Variants in VAT1 observed in about 807,000 individuals in gnomAD.
VAT1 encodes the protein NADPH-dependent quinone oxidoreductase VAT1.
A neutral mutation model predicts 33.3 loss-of-function variants in VAT1; 24 were observed. The ratio of observed to expected loss-of-function variants is 0.72; its 90% CI spans 0.52 to 1.01. The LOEUF (loss-of-function observed/expected upper bound fraction) is 1.01, where lower values mean the gene tolerates loss of function less well. VAT1 is among the 50% of genes least tolerant of loss of function. The pLI is 0.00. For missense variants in VAT1, 436 were observed against 533.7 expected, an observed-to-expected ratio of 0.82 and a Z score of 1.80; for synonymous variants, 212 against 225.0, an observed-to-expected ratio of 0.94 and a Z score of 0.52.
rs1175395354 is a variant in VAT1, at chr17:43,017,947, G to A, written c.767-17C>T. The A allele has an allele frequency of 6.2e-7, 1 of 1,613,898 alleles. No homozygotes were observed. Among genetic ancestry groups the A allele is most frequent in the Non-Finnish European group, 8.5e-7 (1 of 1,179,904 alleles). ...TGTCCACTCCTGTCATAGAGTAGGG[G>A]AACCCAAGAACAACATTAGGATCCA... On this transcript the variant is annotated splice_polypyrimidine_tract_variant and intron_variant, in intron 3 of 5. Coordinates refer to ENST00000355653, the MANE Select transcript of VAT1 (RefSeq NM_006373.4).
rs746896189 is a variant in VAT1, at chr17:43,022,080, C to T, written c.243G>A (p.Leu81=). The T allele has an allele frequency of 6.3e-7, 1 of 1,596,084 alleles. No individual in the cohort carries two copies. The highest frequency in any genetic ancestry group is 2.3e-5 in the East Asian group (1 of 43,854). ...AGTTGAGCCCGCAGGCCCGCAGACGCAGCGTCAGCTGGCCGGGCCCAGGGG... is the reference window on the plus strand; with the variant it reads ...AGTTGAGCCCGCAGGCCCGCAGACGTAGCGTCAGCTGGCCGGGCCCAGGGG... ...PPAPGPGQLT[L]RLRACGLNFA... is the part of the protein sequence containing the mutation. Residue 81 remains leucine (L), a synonymous_variant, in exon 1 of 6, where the codon CTG becomes CTA. Transcript: ENST00000355653.
At position 43,022,196 on chromosome 17, in the gene VAT1, C is replaced by G. The variant is rs779562103; in HGVS notation, c.127G>C (p.Ala43Pro). Residue 43 changes from alanine (A) to proline (P), a missense_variant, in exon 1 of 6, where the codon GCC becomes CCC. Coordinates refer to ENST00000355653, the MANE Select transcript of VAT1 (RefSeq NM_006373.4). ...AGGCAGCGCAGCAGTGGCGGCGAGG[C>G]GGCGGCGGCGGCGGCCCCTTCGGAG... is the stretch of plus-strand genomic sequence containing the variant. ...AASEGAAAAAASPPLLRCLVL... is the reference protein window; with the variant it reads ...AASEGAAAAAPSPPLLRCLVL... 1.0e-5 allele frequency: 16 copies of G among 1,541,824 alleles called. No individual in the cohort carries two copies. In the African/African-American group the frequency reaches 1.7e-4, roughly 16 times the overall value.
intron 3 of VAT1, 36 bp from the exon 4 acceptor site, chr17:43,017,966 G>A: frequency 6.2e-7 from 1 of 1,613,776 alleles, no homozygotes; most frequent in Non-Finnish European, 8.5e-7. Context: ...AACAACATTA[G>A]GATCCACAGA....
At chr17:43,018,830 CTCAT>C (rs1490850259) in intron 1 of VAT1, 31 bp from the exon 2 acceptor site, 3 of 1,612,336 alleles carry the variant, frequency 1.9e-6, no homozygotes, top group Non-Finnish European at 2.5e-6. Flanking sequence ...CATTCAGTCA[CTCAT>C]TCATTCACCC....
rs747753225 is a variant in VAT1, at chr17:43,018,084, A to C, written c.718T>G (p.Tyr240Asp). ...KENGVTHPID[Y>D]HTTDYVDEIK... Reference sequence around the variant, plus strand: ...TCATCCACGTAGTCAGTCGTGTGATAGTCGATGGGATGTGTGACCCCATTC... The same window carrying C: ...TCATCCACGTAGTCAGTCGTGTGATCGTCGATGGGATGTGTGACCCCATTC... Residue 240 changes from tyrosine (Y) to aspartate (D), a missense_variant, in exon 3 of 6, where the codon TAT becomes GAT. Physicochemically the swap from Tyr to Asp is radical, Grantham distance 160. Coordinates refer to ENST00000355653, the MANE Select transcript of VAT1 (RefSeq NM_006373.4). 3.7e-6 allele frequency: 6 copies of C among 1,613,982 alleles called. No homozygotes were observed. Among genetic ancestry groups the C allele is most frequent in the Non-Finnish European group, 5.1e-6 (6 of 1,180,012 alleles).
intron 1 of VAT1, among the ~76,000 whole-genome samples, chr17:43,021,681 C>A (rs917040095): frequency 7.9e-5 from 12 of 152,050 alleles, no homozygotes; most frequent in African/African-American, 2.2e-4. Context: ...TTTTCCCCCC[C>A]ACCAGCACAG....
intron 1 of VAT1, among the ~76,000 whole-genome samples, chr17:43,021,065 C>T (rs1476186099): frequency 1.3e-5 from 2 of 152,044 alleles, no homozygotes; most frequent in Admixed American, 6.6e-5. Flanking sequence ...CAGTTCAAGG[C>T]GCCGCACCTC....
At chr17:43,017,241 G>A (rs1045396586) in intron 4 of VAT1, among the ~76,000 whole-genome samples, 2 of 149,844 alleles carry the variant, frequency 1.3e-5, no homozygotes, top group African/African-American at 4.9e-5. Context: ...CAGGGAGGTA[G>A]GACAGAAAGA....
chr17:43,018,909 AAGC>A (rs756301565), intron 1 of VAT1, 110 bp from the exon 2 acceptor site: 633 of 976,994 alleles, frequency 6.5e-4, no homozygotes, highest in Middle Eastern at 9.2e-4. Flanking sequence ...GTAGCAGGAG[AAGC>A]AGCAATAGTC....
At position 43,022,254 on chromosome 17, in the gene VAT1, G is replaced by T. The variant is rs2050577274; in HGVS notation, c.69C>A (p.Thr23=). Residue 23 remains threonine, a synonymous_variant, in exon 1 of 6, where the codon ACC becomes ACA. Transcript: ENST00000355653. ...GEDASSPPPK[T]EAASDPQHPA... ...GATGCTGGGGGTCGCTCGCTGCCTCGGTTTTCGGAGGCGGCGAAGAGGCGT... is the reference window on the plus strand; with the variant it reads ...GATGCTGGGGGTCGCTCGCTGCCTCTGTTTTCGGAGGCGGCGAAGAGGCGT... The T allele has an allele frequency of 6.3e-7, 1 of 1,585,310 alleles. No homozygotes were observed. Among genetic ancestry groups the T allele is most frequent in the African/African-American group, 1.3e-5 (1 of 74,390 alleles).
In VAT1 at chr17:43,016,529, C is replaced by A. The variant is rs141157187; in HGVS notation, c.876G>T (p.Thr292=). The change falls in exon 5 of 6, where the codon ACG becomes ACT. Residue 292 remains threonine (T), a synonymous_variant. Coordinates refer to ENST00000355653, the MANE Select transcript of VAT1 (RefSeq NM_006373.4). ...VVTYGMANLL[T]GPKRNLMALA... is the part of the protein sequence containing the mutation. The stretch of plus-strand genomic sequence containing the variant: ...GGGCCATCAGGTTCCGTTTGGGGCC[C>A]GTCAGCAGGTTGGCCATTCCTGAAG... 2 of 1,613,416 alleles carry A rather than the reference C, an allele frequency of 1.2e-6. No homozygotes were observed. The highest frequency in any genetic ancestry group is 3.3e-5 in the Admixed American group (2 of 60,018).
intron 1 of VAT1, 146 bp downstream of exon 1, chr17:43,021,790 C>T: frequency 1.4e-6 from 2 of 1,442,982 alleles, no homozygotes; most frequent in Non-Finnish European, 1.8e-6. Flanking sequence ...CCCCCAAACA[C>T]AAGTTCCTTG....
rs770861413 is a variant in VAT1 at position 43,015,533 on chromosome 17, G to C, written c.*528C>G. ...GAAGAAGCCCAATTGTGCTTAAGAA[G>C]TTGGGGACAGAGGACGAGATTGGGA... On this transcript the variant is annotated 3_prime_UTR_variant, in exon 6 of 6. Coordinates refer to ENST00000355653, the MANE Select transcript of VAT1 (RefSeq NM_006373.4). The C allele has an allele frequency of 6.3e-6, 1 of 159,682 alleles. No individual in the cohort carries two copies. Among genetic ancestry groups the C allele is most frequent in the African/African-American group, 2.4e-5 (1 of 41,526 alleles). 9.9% of individuals were successfully genotyped at this position (159,682 alleles called of 1,614,324 possible).
At position 43,018,778 on chromosome 17, in the gene VAT1, A is replaced by G. The variant is rs1266558288; in HGVS notation, c.409T>C (p.Leu137=). The change falls in exon 2 of 6, where the codon TTG becomes CTG. Residue 137 remains leucine (L), a synonymous_variant. Coordinates refer to ENST00000355653, the MANE Select transcript of VAT1 (RefSeq NM_006373.4). The stretch of plus-strand genomic sequence containing the variant: ...TCCTGCCACATCCCTGACCGGTTCA[A>G]CACCATCACCCGGTCTCCTGCCTTG... The part of the protein sequence containing the change: ...DRKAGDRVMV[L]NRSGMWQEEV... 6 of 1,614,048 alleles carry G rather than the reference A, an allele frequency of 3.7e-6. No individual in the cohort carries two copies. The highest frequency in any genetic ancestry group is 5.1e-6 in the Non-Finnish European group (6 of 1,180,044).
Position 43,018,676 on chromosome 17 carries a change from C to CGAGCAAG in VAT1, c.504_510dup (p.Val171LeufsTer14). On this transcript the variant is annotated frameshift_variant, in exon 2 of 6. Transcript: ENST00000355653. LOFTEE classifies it high-confidence loss of function. ...ACCATGTAGGCTGTAATGTAATTGACGAGCAAGGCAGCAGCTTCCTCAAAG... is the reference window on the plus strand; with the variant it reads ...ACCATGTAGGCTGTAATGTAATTGACGAGCAAGGAGCAAGGCAGCAGCTTCCTCAAAG... 1 of 1,614,112 alleles carries CGAGCAAG rather than the reference C, an allele frequency of 6.2e-7. No homozygotes were observed. The highest frequency in any genetic ancestry group is 2.2e-5 in the East Asian group (1 of 44,882).
chr17:43,015,435 A>C lies in VAT1; in HGVS notation c.*626T>G, dbSNP rs933080206. 1 of 153,768 alleles carries C rather than the reference A, an allele frequency of 6.5e-6. No homozygotes were observed. Among genetic ancestry groups the C allele is most frequent in the Non-Finnish European group, 1.4e-5 (1 of 68,992 alleles). 9.5% of individuals were successfully genotyped at this position (153,768 alleles called of 1,614,324 possible). On this transcript the variant is annotated 3_prime_UTR_variant, in exon 6 of 6. Transcript: ENST00000355653. Reference sequence around the variant, plus strand: ...TGTATCCTTCCCAGAGTTGTGACCTAGGGGAGTAGGTCTGATTCCCGCCCT... The same window carrying C: ...TGTATCCTTCCCAGAGTTGTGACCTCGGGGAGTAGGTCTGATTCCCGCCCT...
chr17:43,017,872 G>A lies in VAT1; in HGVS notation c.825C>T (p.Leu275=). Residue 275 remains leucine, a synonymous_variant, in exon 4 of 6, where the codon CTC becomes CTT. Coordinates refer to ENST00000355653, the MANE Select transcript of VAT1 (RefSeq NM_006373.4). ...GGSDTAKGYN[L]LKPMGKVVTY... ...TGACGACTTTGCCCATGGGTTTCAGGAGGTTGTAGCCCTTGGCAGTATCTG... is the reference window on the plus strand; with the variant it reads ...TGACGACTTTGCCCATGGGTTTCAGAAGGTTGTAGCCCTTGGCAGTATCTG... 6.2e-7 allele frequency: 1 copy of A among 1,614,116 alleles called. No individual in the cohort carries two copies. Among genetic ancestry groups the A allele is most frequent in the South Asian group, 1.1e-5 (1 of 91,076 alleles).
At chr17:43,020,798 C>T (rs1451594777) in intron 1 of VAT1, among the ~76,000 whole-genome samples, 2 of 150,660 alleles carry the variant, frequency 1.3e-5, no homozygotes, top group African/African-American at 2.5e-5. Context: ...TCGCTTGAAC[C>T]CGGGAGGCAG....
chr17:43,020,191 T>C, intron 1 of VAT1: 1 of 984,918 alleles, frequency 1.0e-6, no homozygotes, highest in Non-Finnish European at 1.2e-6. Flanking sequence ...CCATGACCCC[T>C]CCCCAACCCA....
Sources: allele counts gnomAD v4.1 joint callset (sites outside exome capture counted in the v4.1 genomes callset), GRCh38; gene constraint gnomAD v4.1.1; transcripts MANE v1.5; gene names NCBI Gene and HGNC (gene_info 2026-07-23, HGNC 2026-07-21).